MEIS2: variants seen among roughly 807,000 people sequenced by gnomAD.
MEIS2 encodes homeobox protein Meis2.
A neutral mutation model predicts 58.6 loss-of-function variants in MEIS2; 9 were observed. The ratio of observed to expected loss-of-function variants is 0.15; its 90% CI spans 0.09 to 0.27. The LOEUF (loss-of-function observed/expected upper bound fraction) is 0.27. Among genes scored for constraint, MEIS2 ranks in the 10% least tolerant of loss-of-function variants. The probability of loss-of-function intolerance (pLI) is 1.00; values close to 1 mark genes in which losing one functional copy is unlikely to be tolerated. For missense variants in MEIS2, 427 were observed against 635.0 expected (o/e 0.67, Z 3.52); for synonymous variants, 221 against 228.4 (o/e 0.97, Z 0.29).
At chr15:37,004,555 A>ATGCCCCATG (rs1179650378) in intron 8 of MEIS2, among the ~76,000 whole-genome samples, 1 of 152,214 alleles carries the variant, frequency 6.6e-6, no homozygotes, top group African/African-American at 2.4e-5. Context: ...ACGTGTCAGC[A>ATGCCCCATG]TGCCCCATGT....
chr15:36,894,480 TA>T, intron 11 of MEIS2: 1 of 324,510 alleles, frequency 3.1e-6, no homozygotes, highest in Non-Finnish European at 5.8e-6. Context: ...GTAAATAGGC[TA>T]AAAGGCAGTC....
At chr15:37,056,776 G>GT (rs1888480812) in intron 7 of MEIS2, among the ~76,000 whole-genome samples, 1 of 152,202 alleles carries the variant, frequency 6.6e-6, no homozygotes, top group Non-Finnish European at 1.5e-5. Context: ...TCAAACCAGT[G>GT]TGTCTTCAAC....
At chr15:36,916,992 C>T (rs1306954988) in intron 9 of MEIS2, among the ~76,000 whole-genome samples, 1 of 152,144 alleles carries the variant, frequency 6.6e-6, no homozygotes, top group Non-Finnish European at 1.5e-5. Flanking sequence ...GTCAGATACA[C>T]TCATGCACAC....
chr15:36,911,635 C>T (rs1166788686), intron 9 of MEIS2, among the ~76,000 whole-genome samples: 2 of 152,196 alleles, frequency 1.3e-5, no homozygotes, highest in African/African-American at 4.8e-5. Context: ...GTGTTAAACA[C>T]CACCTGCCTG....
rs113246853 is a variant in MEIS2 at position 36,908,198 on chromosome 15, C to T, written c.978-11512G>A. Among the ~76,000 whole-genome samples the T allele has an allele frequency of 5.9e-3, 901 of 152,224 alleles. 10 individuals are homozygous for T. The highest frequency in any genetic ancestry group is 0.021 in the African/African-American group (867 of 41,536). ...ACATCTTTTACTTTGATTTGACAGC[C>T]GGGTGGCATTCTGTATCTTCTCCAG... On this transcript the variant is annotated intron_variant, in intron 9 of 11. Transcript: ENST00000561208.
chr15:37,045,670 C>G lies in MEIS2; in HGVS notation c.755-8711G>C, dbSNP rs146232355. On this transcript the variant is annotated intron_variant, in intron 7 of 11. Transcript: ENST00000561208. ...AAACACGGGGAGGATGAGGGGCCAG[C>G]AGTGAGACCTGCTAATTACTGATCT... 7.6e-3 allele frequency among the ~76,000 whole-genome samples: 1,157 copies of G among 152,266 alleles called. 8 individuals carry two copies. The highest frequency in any genetic ancestry group is 0.012 in the Non-Finnish European group (827 of 68,024).
chr15:36,997,556 G>A (rs1432100917), intron 8 of MEIS2, among the ~76,000 whole-genome samples: 2 of 150,418 alleles, frequency 1.3e-5, no homozygotes, highest in African/African-American at 4.9e-5. Flanking sequence ...GCGCGATCTC[G>A]GCTCACTGCA....
At chr15:36,984,259 G>A (rs1245152006) in intron 8 of MEIS2, among the ~76,000 whole-genome samples, 3 of 151,888 alleles carry the variant, frequency 2.0e-5, no homozygotes, top group Non-Finnish European at 4.4e-5. Context: ...TCACTGTTGA[G>A]TATTATGTTA....
intron 8 of MEIS2, among the ~76,000 whole-genome samples, chr15:37,009,085 A>T (rs537187907): frequency 6.6e-6 from 1 of 152,054 alleles, no homozygotes; most frequent in Admixed American, 6.6e-5. Context: ...GTCAGGAGAT[A>T]GAGACCATCC....
At chr15:36,896,044 A>G (rs556717473) in intron 10 of MEIS2, among the ~76,000 whole-genome samples, 2 of 152,356 alleles carry the variant, frequency 1.3e-5, no homozygotes, top group East Asian at 3.9e-4. Flanking sequence ...GGGTTCTGAT[A>G]GTACCATACA....
chr15:37,083,650 G>T, intron 7 of MEIS2, 121 bp downstream of exon 7: 1 of 638,836 alleles, frequency 1.6e-6, no homozygotes, highest in Non-Finnish European at 2.6e-6. Context: ...AATAGCAGCT[G>T]ATTCTACTCC....
At chr15:37,063,374 G>A (rs1469187811) in intron 7 of MEIS2, among the ~76,000 whole-genome samples, 2 of 152,124 alleles carry the variant, frequency 1.3e-5, no homozygotes, top group Non-Finnish European at 2.9e-5. Context: ...TGCAGACAGG[G>A]TGTGGTACCC....
intron 7 of MEIS2, 117 bp from the exon 8 acceptor site, chr15:37,037,076 C>T (rs191025341): frequency 3.0e-6 from 3 of 1,001,610 alleles, no homozygotes; most frequent in African/African-American, 3.3e-5. Flanking sequence ...CGAGTATATT[C>T]TCTTTCATTA....
At chr15:36,911,044 C>CA (rs1187244002) in intron 9 of MEIS2, among the ~76,000 whole-genome samples, 29,478 of 83,058 alleles carry the variant, frequency 0.35, 4,119 homozygotes, top group Non-Finnish European at 0.39. Context: ...GACTCTGTCT[C>CA]AAAAAAAAAA....
chr15:37,018,559 G>C (rs1167697468), intron 8 of MEIS2, among the ~76,000 whole-genome samples: 1 of 152,132 alleles, frequency 6.6e-6, no homozygotes, highest in Non-Finnish European at 1.5e-5. Flanking sequence ...TGAGTTATGA[G>C]AACAAAAATT....
chr15:36,921,768 C>A, intron 9 of MEIS2, among the ~76,000 whole-genome samples: 1 of 149,948 alleles, frequency 6.7e-6, no homozygotes, highest in East Asian at 1.9e-4. Flanking sequence ...AAGATGACTA[C>A]ATTTAGATAG....
intron 8 of MEIS2, chr15:37,036,390 CTTTT>C (rs80180193): frequency 4.2e-5 from 5 of 118,152 alleles, no homozygotes; most frequent in Non-Finnish European, 5.5e-5. Context: ...TGGCAAGGTG[CTTTT>C]TTTTTTTTTT....
At chr15:36,902,514 C>T (rs1001747411) in intron 9 of MEIS2, among the ~76,000 whole-genome samples, 4 of 152,214 alleles carry the variant, frequency 2.6e-5, no homozygotes, top group Non-Finnish European at 5.9e-5. Context: ...CCAGTAGCAA[C>T]ATCACCTTGA....
upstream of MEIS2, chr15:37,101,304 G>T (rs1210831033): frequency 8.6e-5 from 6 of 69,746 alleles, no homozygotes; most frequent in African/African-American, 1.4e-4. Flanking sequence ...AGCCAAAGGC[G>T]TGTGTGTGTG....
Sources: allele counts gnomAD v4.1 joint callset (sites outside exome capture counted in the v4.1 genomes callset), GRCh38; gene constraint gnomAD v4.1.1; transcripts MANE v1.5; gene names NCBI Gene and HGNC (gene_info 2026-07-23, HGNC 2026-07-21).